Variants in IL1RL2 observed in about 807,000 individuals in gnomAD.
The protein encoded by IL1RL2 is interleukin 1 receptor like 2, also known as interleukin-1 receptor-like 2.
IL1RL2 carries 68 observed loss-of-function variants against 66.8 expected under a neutral mutation model. The ratio of observed to expected loss-of-function variants is 1.02; its 90% CI spans 0.84 to 1.25. IL1RL2 has a LOEUF of 1.25. Among genes scored for constraint, IL1RL2 ranks in the 50% most tolerant of loss-of-function variants. IL1RL2 has a pLI of 0.00. For missense variants in IL1RL2, 729 were observed against 709.3 expected (o/e 1.03, Z -0.32); for synonymous variants, 305 against 264.6 (o/e 1.15, Z -1.48).
intron 6 of IL1RL2, among the ~76,000 whole-genome samples, chr2:102,214,359 T>C (rs1455354822): frequency 6.6e-6 from 1 of 152,112 alleles, no homozygotes; most frequent in Non-Finnish European, 1.5e-5. Flanking sequence ...TAATACAAAA[T>C]AAACATTCAA....
intron 2 of IL1RL2, among the ~76,000 whole-genome samples, chr2:102,188,587 CAAA>C (rs374522339): frequency 1.1e-5 from 1 of 94,966 alleles, no homozygotes. Flanking sequence ...GACTCCGTCT[CAAA>C]AAAAAAAAAA....
At position 102,219,890 on chromosome 2, in the gene IL1RL2, C is replaced by G. The variant is rs942387865; in HGVS notation, c.864C>G (p.Val288=). ...CTCTTTTCTTTTATAGAACCCATGT[C>G]TCTTTTCGGGAACATAATTTGTACA... The part of the protein sequence containing the change: ...KRIREGVETH[V]SFREHNLYTV... The change falls in exon 8 of 12, where the codon GTC becomes GTG. Residue 288 remains valine (V), a synonymous_variant. Transcript: ENST00000264257. 1.9e-6 allele frequency: 3 copies of G among 1,607,608 alleles called. No homozygotes were observed. The highest frequency in any genetic ancestry group is 1.1e-5 in the South Asian group (1 of 90,820).
At chr2:102,196,032 T>C (rs1319985332) in intron 4 of IL1RL2, among the ~76,000 whole-genome samples, 1 of 152,094 alleles carries the variant, frequency 6.6e-6, no homozygotes, top group African/African-American at 2.4e-5. Flanking sequence ...TGTTAATTAT[T>C]ATGGCATTAG....
chr2:102,187,796 G>C (rs925137796), intron 1 of IL1RL2, 60 bp from the exon 2 acceptor site: 13 of 1,441,230 alleles, frequency 9.0e-6, no homozygotes, highest in Admixed American at 5.0e-5. Context: ...CGCCCACGCC[G>C]GCGCCTCGGG....
At chr2:102,231,291 C>T (rs1212669942) in intron 9 of IL1RL2, among the ~76,000 whole-genome samples, 3 of 152,062 alleles carry the variant, frequency 2.0e-5, no homozygotes, top group African/African-American at 7.2e-5. Flanking sequence ...CCTTTAAAAT[C>T]CAGGAGCTCC....
At chr2:102,188,076 AG>A in intron 2 of IL1RL2, 151 bp downstream of exon 2, 1 of 708,314 alleles carries the variant, frequency 1.4e-6, no homozygotes, top group East Asian at 2.7e-5. Context: ...GAGGAAACAG[AG>A]AACCAGCTCC....
chr2:102,189,352 G>A (rs1240384465), intron 3 of IL1RL2, 42 bp downstream of exon 3: 1 of 1,196,392 alleles, frequency 8.4e-7, no homozygotes, highest in African/African-American at 1.5e-5. Flanking sequence ...GTGTGTGTAT[G>A]TATAAATTAT....
intron 8 of IL1RL2, 31 bp downstream of exon 8, chr2:102,220,048 G>C (rs756931260): frequency 1.9e-6 from 3 of 1,561,660 alleles, no homozygotes; most frequent in South Asian, 2.3e-5. Flanking sequence ...ACACTGTTCA[G>C]AGTGTTCAAA....
At chr2:102,233,575 C>A (rs952344396) in intron 10 of IL1RL2, among the ~76,000 whole-genome samples, 6 of 152,108 alleles carry the variant, frequency 3.9e-5, no homozygotes, top group African/African-American at 1.4e-4. Context: ...CTACTTGCCC[C>A]CTCCCCTCCC....
At chr2:102,206,625 G>A (rs945226445) in intron 5 of IL1RL2, among the ~76,000 whole-genome samples, 11 of 152,222 alleles carry the variant, frequency 7.2e-5, no homozygotes, top group African/African-American at 1.9e-4. Context: ...AGCTGATGGT[G>A]GAGTGACACA....
At chr2:102,198,470 G>A (rs1687968498) in intron 4 of IL1RL2, among the ~76,000 whole-genome samples, 1 of 152,096 alleles carries the variant, frequency 6.6e-6, no homozygotes, top group African/African-American at 2.4e-5. Context: ...CAGCACAGTG[G>A]TTTTGGGTCC....
In IL1RL2 at chr2:102,204,853, T is replaced by C. The variant is rs1688569969; in HGVS notation, c.649+3138T>C. ...GAGAGTTTAGTCCATTTACATTTAA[T>C]GTTATTATTGATAGGTAGAACTTAC... On this transcript the variant is annotated intron_variant, in intron 5 of 11. Transcript: ENST00000264257. 3.3e-5 allele frequency among the ~76,000 whole-genome samples: 5 copies of C among 152,098 alleles called. No homozygotes were observed. The South Asian group carries it at 1.0e-3, about 32-fold the overall frequency.
chr2:102,235,409 G>A, intron 11 of IL1RL2, 132 bp downstream of exon 11: 1 of 1,464,662 alleles, frequency 6.8e-7, no homozygotes, highest in Middle Eastern at 2.5e-4. Flanking sequence ...GCGTACTAGT[G>A]AGAGGATCTG....
chr2:102,218,922 A>G, intron 6 of IL1RL2, 31 bp from the exon 7 acceptor site: 1 of 1,590,006 alleles, frequency 6.3e-7, no homozygotes, highest in Non-Finnish European at 8.6e-7. Flanking sequence ...TAGAATTTTC[A>G]TTGAATATTG....
At chr2:102,242,374 A>G (rs1343520090), downstream of IL1RL2, among the ~76,000 whole-genome samples, 4 of 152,188 alleles carry the variant, frequency 2.6e-5, no homozygotes, top group Admixed American at 6.5e-5. Context: ...TGACTTTTAT[A>G]TATATACAAA....
chr2:102,208,692 C>T (rs1184682475), intron 5 of IL1RL2, among the ~76,000 whole-genome samples: 1 of 152,222 alleles, frequency 6.6e-6, no homozygotes, highest in African/African-American at 2.4e-5. Flanking sequence ...CTATGCAGGA[C>T]AGGGCCCTTT....
rs1043190129 is a variant in IL1RL2 at position 102,209,369 on chromosome 2, G to A, written c.650-2731G>A. On this transcript the variant is annotated intron_variant, in intron 5 of 11. Transcript: ENST00000264257. ...AATAAGAAGGGTCCGTGGGTGGCAC[G>A]CAAATGGTCTGGGAAGGCTTCCAAG... Among the ~76,000 whole-genome samples, 8 of 152,280 alleles carry A rather than the reference G, an allele frequency of 5.3e-5. No individual in the cohort carries two copies. The East Asian group carries it at 7.7e-4, about 15-fold the overall frequency.
intron 3 of IL1RL2, among the ~76,000 whole-genome samples, chr2:102,191,591 T>A (rs911216955): frequency 7.2e-5 from 11 of 152,232 alleles, no homozygotes; most frequent in Admixed American, 7.2e-4. Context: ...TTGTCAGGTA[T>A]TTCTTCATGA....
intron 9 of IL1RL2, among the ~76,000 whole-genome samples, chr2:102,229,572 C>T (rs918687995): frequency 3.3e-5 from 5 of 152,250 alleles, no homozygotes; most frequent in South Asian, 2.1e-4. Flanking sequence ...GAAGCAAAGC[C>T]GGGAAATGTT....
Sources: allele counts gnomAD v4.1 joint callset (sites outside exome capture counted in the v4.1 genomes callset), GRCh38; gene constraint gnomAD v4.1.1; transcripts MANE v1.5; gene names NCBI Gene and HGNC (gene_info 2026-07-23, HGNC 2026-07-21).